The following FABP6 variants were observed in gnomAD, a reference collection of about 807,000 sequenced individuals.
FABP6 encodes fatty acid binding protein 6.
A neutral mutation model predicts 14.9 loss-of-function variants in FABP6; 13 were observed. That is an observed-to-expected ratio of 0.87 (90% CI 0.57 to 1.39). The LOEUF (loss-of-function observed/expected upper bound fraction) is 1.39, where lower values mean the gene tolerates loss of function less well. Among genes scored for constraint, FABP6 ranks in the 40% most tolerant of loss-of-function variants. The probability of loss-of-function intolerance (pLI) is 0.00; values close to 1 mark genes in which losing one functional copy is unlikely to be tolerated. For synonymous variants in FABP6, 75 were observed against 63.6 expected, an observed-to-expected ratio of 1.18 and a Z score of -0.85; for missense variants, 161 against 167.2, an observed-to-expected ratio of 0.96 and a Z score of 0.20.
chr5:160,220,569 C>T (rs954928330), intron 3 of FABP6, among the ~76,000 whole-genome samples: 2 of 151,642 alleles, frequency 1.3e-5, no homozygotes, highest in Admixed American at 1.3e-4. Flanking sequence ...TGCACTCCAC[C>T]CTGGGTGACA....
At chr5:160,218,878 C>T (rs1056666012) in intron 3 of FABP6, among the ~76,000 whole-genome samples, 4 of 151,990 alleles carry the variant, frequency 2.6e-5, no homozygotes, top group African/African-American at 9.7e-5. Flanking sequence ...CCCACCTCAG[C>T]CTCCTCAGTA....
At chr5:160,195,621 A>G (rs889797003) in intron 1 of FABP6, 3 of 152,108 alleles carry the variant, frequency 2.0e-5, no homozygotes, top group Non-Finnish European at 4.4e-5. Flanking sequence ...TACCCAGATA[A>G]TTTTTGGTAG....
intron 2 of FABP6, among the ~76,000 whole-genome samples, chr5:160,209,291 CA>C (rs1179335089): frequency 6.6e-6 from 1 of 151,624 alleles, no homozygotes; most frequent in East Asian, 2.0e-4. Flanking sequence ...CCAAGGCAGG[CA>C]AATCACTTGA....
chr5:160,214,319 A>G (rs1476093807), intron 3 of FABP6, among the ~76,000 whole-genome samples: 1 of 151,370 alleles, frequency 6.6e-6, no homozygotes, highest in Non-Finnish European at 1.5e-5. Context: ...ACGTGCCACC[A>G]TGCCTGGTTA....
rs1227246860 is a variant in FABP6, at chr5:160,238,629, C to T, written c.357C>T (p.Thr119=). 7 of 1,613,936 alleles carry T rather than the reference C, an allele frequency of 4.3e-6. No homozygotes were observed. Among genetic ancestry groups the T allele is most frequent in the Non-Finnish European group, 5.9e-6 (7 of 1,179,956 alleles). ...AGGTCTCCACCATCGGAGGCGTGAC[C>T]TATGAGCGCGTGAGCAAGAGACTGG... ...LVEVSTIGGV[T]YERVSKRLA is the part of the protein sequence containing the mutation. The change falls in exon 4 of 4, where the codon ACC becomes ACT. Residue 119 remains threonine, a synonymous_variant. Transcript: ENST00000402432.
intron 3 of FABP6, among the ~76,000 whole-genome samples, chr5:160,214,070 G>T (rs1413909355): frequency 6.6e-6 from 1 of 151,840 alleles, no homozygotes; most frequent in East Asian, 1.9e-4. Context: ...GCTAGCTCAA[G>T]TAGGTTTTGC....
At chr5:160,237,439 G>C (rs1032413025) in intron 3 of FABP6, among the ~76,000 whole-genome samples, 1 of 152,008 alleles carries the variant, frequency 6.6e-6, no homozygotes, top group Non-Finnish European at 1.5e-5. Flanking sequence ...GCCCCGAGAG[G>C]AGCTGTCTTG....
intron 2 of FABP6, among the ~76,000 whole-genome samples, chr5:160,233,993 C>G (rs563793792): frequency 2.0e-5 from 3 of 152,240 alleles, no homozygotes; most frequent in African/African-American, 4.8e-5. Flanking sequence ...CTATTTGCCT[C>G]TATCATTAGG....
In FABP6 at chr5:160,202,546, C is replaced by G. The variant is rs149328725; in HGVS notation, c.51+3389C>G. ...GCGTGGTGGCTCACGCCCGTAATCC[C>G]AGCACTTTGGGAGGACAAGGCAGGC... On this transcript the variant is annotated intron_variant, in intron 2 of 6. Transcript: ENST00000393980. 5.5e-3 allele frequency among the ~76,000 whole-genome samples: 844 copies of G among 152,212 alleles called. 13 individuals are homozygous for G. The highest frequency in any genetic ancestry group is 0.019 in the African/African-American group (791 of 41,538).
chr5:160,220,813 C>T (rs1163283478), intron 3 of FABP6, among the ~76,000 whole-genome samples: 5 of 151,744 alleles, frequency 3.3e-5, no homozygotes, highest in Admixed American at 6.6e-5. Flanking sequence ...ACAGACCGGG[C>T]GCCGTGGCTC....
chr5:160,188,804 G>A (rs1417166727), intron 1 of FABP6, among the ~76,000 whole-genome samples: 3 of 152,168 alleles, frequency 2.0e-5, no homozygotes, highest in Non-Finnish European at 4.4e-5. Flanking sequence ...CCTCCCGGTT[G>A]GAGCGGTTCC....
At chr5:160,224,168 G>T (rs1311650743) in intron 3 of FABP6, among the ~76,000 whole-genome samples, 1 of 152,104 alleles carries the variant, frequency 6.6e-6, no homozygotes, top group Non-Finnish European at 1.5e-5. Flanking sequence ...CCCAGGAGGT[G>T]AAGCTTGCAG....
chr5:160,223,157 T>TG (rs1760164180), intron 3 of FABP6, among the ~76,000 whole-genome samples: 1 of 152,122 alleles, frequency 6.6e-6, no homozygotes, highest in Admixed American at 6.6e-5. Flanking sequence ...GTGGAACAAA[T>TG]CTGTCAGCAC....
chr5:160,221,361 G>A (rs1373801541), intron 3 of FABP6, among the ~76,000 whole-genome samples: 1 of 152,098 alleles, frequency 6.6e-6, no homozygotes, highest in Non-Finnish European at 1.5e-5. Context: ...GAGGAGGCGG[G>A]GGTGAAGGAC....
intron 3 of FABP6, among the ~76,000 whole-genome samples, chr5:160,217,552 T>C (rs1200259680): frequency 6.6e-6 from 1 of 152,216 alleles, no homozygotes; most frequent in Non-Finnish European, 1.5e-5. Flanking sequence ...CACTCTTATA[T>C]ACTCTGTGCC....
intron 2 of FABP6, among the ~76,000 whole-genome samples, chr5:160,202,914 T>G (rs1339086621): frequency 6.6e-6 from 1 of 151,882 alleles, no homozygotes; most frequent in Non-Finnish European, 1.5e-5. Context: ...TGGGCTTTTT[T>G]TTTTGAGATG....
rs773891439 is a variant in FABP6 at position 160,213,790 on chromosome 5, CA to C, written c.107del (p.Gln36ArgfsTer3). ...ATGGGTGAGCCGGAAAGGAGACCTG[CA>C]GAGAATGAAACAGACACATAAAGGA... On this transcript the variant is annotated frameshift_variant, in exon 3 of 7. Transcript: ENST00000393980. LOFTEE classifies it high-confidence loss of function. 10 of 1,613,586 alleles carry C rather than the reference CA, an allele frequency of 6.2e-6. No homozygotes were observed. The highest frequency in any genetic ancestry group is 8.5e-6 in the Non-Finnish European group (10 of 1,179,820).
At chr5:160,201,179 A>G (rs778445175) in intron 2 of FABP6, among the ~76,000 whole-genome samples, 7 of 151,302 alleles carry the variant, frequency 4.6e-5, no homozygotes, top group Non-Finnish European at 7.4e-5. Context: ...AACATGGCAA[A>G]ACTCCATCTC....
In FABP6 at chr5:160,193,565, C is replaced by G. The variant is rs560421363; in HGVS notation, c.-58-5484C>G. Among the ~76,000 whole-genome samples, 7 of 152,172 alleles carry G rather than the reference C, an allele frequency of 4.6e-5. No individual in the cohort carries two copies. The East Asian group carries it at 1.2e-3, about 25-fold the overall frequency. ...GTGCTGATTGGTGCGTTTACAATCCCTGAGCTAGATACAAAGGTTCTCCTC... is the reference window on the plus strand; with the variant it reads ...GTGCTGATTGGTGCGTTTACAATCCGTGAGCTAGATACAAAGGTTCTCCTC... On this transcript the variant is annotated intron_variant, in intron 1 of 6. Transcript: ENST00000393980.
Sources: allele counts gnomAD v4.1 joint callset (sites outside exome capture counted in the v4.1 genomes callset), GRCh38; gene constraint gnomAD v4.1.1; transcripts MANE v1.5; gene names NCBI Gene and HGNC (gene_info 2026-07-23, HGNC 2026-07-21).